Variants in ZNF618 observed in about 807,000 individuals in gnomAD.
The protein encoded by ZNF618 is zinc finger protein 618, also known as neural precursor cell expressed, developmentally down-regulated 10.
In ZNF618, 34 loss-of-function variants were observed where a neutral mutation model predicts 103.0. The observed-to-expected ratio is 0.33, with a 90% CI of 0.25 to 0.44. The LOEUF is 0.44. Ranked by LOEUF, ZNF618 falls within the 20% of genes least tolerant of loss-of-function variation. The probability of loss-of-function intolerance (pLI) is 1.00; values close to 1 mark genes in which losing one functional copy is unlikely to be tolerated. For missense variants in ZNF618, 1,059 were observed against 1,295.4 expected (o/e 0.82, Z 2.80); for synonymous variants, 551 against 542.2 (o/e 1.02, Z -0.23).
intron 13 of ZNF618, among the ~76,000 whole-genome samples, chr9:114,041,960 A>G (rs543456189): frequency 2.0e-5 from 3 of 152,310 alleles, no homozygotes; most frequent in Admixed American, 1.3e-4. Flanking sequence ...CCTATCCATG[A>G]GCATGGAATG....
intron 4 of ZNF618, among the ~76,000 whole-genome samples, chr9:114,001,120 G>T (rs1841155907): frequency 6.6e-6 from 1 of 152,202 alleles, no homozygotes; most frequent in Non-Finnish European, 1.5e-5. Context: ...TGGGGTCCCT[G>T]CCAGGCTGGA....
Position 114,050,442 on chromosome 9 carries a change from GCACACACACACACA to G in ZNF618, c.*295_*308del, listed in dbSNP as rs113819665. The G allele has an allele frequency of 1.2e-4, 25 of 210,438 alleles. No homozygotes were observed. The highest frequency in any genetic ancestry group is 4.9e-4 in the African/African-American group (20 of 40,892). The allele number at this position is 210,438 out of a possible 1,614,324, so 13.0% of individuals were successfully genotyped here. On this transcript the variant is annotated 3_prime_UTR_variant, in exon 15 of 15. Transcript: ENST00000374126. ...ATGGCCAGAGAAACTTTGCACACACGCACACACACACACACACACACACACACACACACGACCCT... is the reference window on the plus strand; with the variant it reads ...ATGGCCAGAGAAACTTTGCACACACGCACACACACACACACACACGACCCT...
chr9:114,035,348 C>T, intron 12 of ZNF618: 1 of 742,972 alleles, frequency 1.3e-6, no homozygotes, highest in African/African-American at 1.9e-5. Flanking sequence ...CCTTGGGCTG[C>T]CCTCCCGGGC....
intron 1 of ZNF618, among the ~76,000 whole-genome samples, chr9:113,940,062 G>A (rs1006625450): frequency 3.3e-5 from 5 of 151,346 alleles, no homozygotes; most frequent in African/African-American, 1.2e-4. Flanking sequence ...ATATCCCATG[G>A]GTTTTGCTAT....
chr9:113,960,629 C>T (rs770912753), intron 1 of ZNF618, among the ~76,000 whole-genome samples: 22 of 152,170 alleles, frequency 1.4e-4, no homozygotes, highest in Admixed American at 6.5e-5. Flanking sequence ...AACTGAGAGG[C>T]GTAAAGAAAG....
At chr9:113,876,457 G>GGGGGCC (rs1335804126) in intron 1 of ZNF618, 44 bp downstream of exon 1, 1 of 1,186,038 alleles carries the variant, frequency 8.4e-7, no homozygotes, top group South Asian at 4.2e-5. Context: ...GGGGACCCCG[G>GGGGGCC]GGGGCCGGGG....
At chr9:113,908,583 CG>C (rs1176144511) in intron 1 of ZNF618, among the ~76,000 whole-genome samples, 4 of 152,022 alleles carry the variant, frequency 2.6e-5, no homozygotes, top group Non-Finnish European at 5.9e-5. Context: ...AAAAGTTTCT[CG>C]GGCCCTGGGT....
At chr9:113,950,633 C>G (rs1316641036) in intron 1 of ZNF618, among the ~76,000 whole-genome samples, 2 of 152,184 alleles carry the variant, frequency 1.3e-5, no homozygotes, top group African/African-American at 2.4e-5. Context: ...GGCCTGCACT[C>G]TGTGAATAAG....
chr9:113,998,470 T>G, intron 4 of ZNF618, 116 bp downstream of exon 4: 1 of 896,686 alleles, frequency 1.1e-6, no homozygotes, highest in Non-Finnish European at 1.7e-6. Flanking sequence ...CATCTCAGGG[T>G]CAAGAGGGGC....
chr9:113,958,076 A>T (rs891632013), intron 1 of ZNF618, among the ~76,000 whole-genome samples: 1 of 151,206 alleles, frequency 6.6e-6, no homozygotes, highest in Non-Finnish European at 1.5e-5. Context: ...ACTGAGATTC[A>T]TTTCTTTTTA....
At chr9:113,917,488 A>G (rs966899379) in intron 1 of ZNF618, among the ~76,000 whole-genome samples, 8 of 151,464 alleles carry the variant, frequency 5.3e-5, no homozygotes, top group Non-Finnish European at 7.4e-5. Context: ...TCCTAGGCTC[A>G]AGCAATCCAC....
intron 2 of ZNF618, among the ~76,000 whole-genome samples, chr9:113,985,262 G>C (rs1839357628): frequency 6.6e-6 from 1 of 152,216 alleles, no homozygotes; most frequent in Non-Finnish European, 1.5e-5. Flanking sequence ...CAACTTCCAA[G>C]TCTGGTGCTT....
At chr9:113,942,086 C>T (rs1309953382) in intron 1 of ZNF618, among the ~76,000 whole-genome samples, 5 of 152,256 alleles carry the variant, frequency 3.3e-5, no homozygotes, top group South Asian at 2.1e-4. Flanking sequence ...GTGGTCAATA[C>T]GGGAACTGTT....
At chr9:114,033,388 A>AG (rs1336788367) in intron 12 of ZNF618, among the ~76,000 whole-genome samples, 11 of 120,672 alleles carry the variant, frequency 9.1e-5, no homozygotes, top group Admixed American at 7.0e-4. Context: ...TCTGTCTCAA[A>AG]AAGAGAGAGA....
chr9:113,898,616 G>A (rs186241528), intron 1 of ZNF618, among the ~76,000 whole-genome samples: 33 of 151,822 alleles, frequency 2.2e-4, no homozygotes, highest in African/African-American at 7.3e-4. Flanking sequence ...TTGTAGAGGC[G>A]GGGTCTTGCT....
rs1564319872 is a variant in ZNF618, at chr9:114,028,913, C to G, written c.1025C>G (p.Thr342Ser). The G allele has an allele frequency of 2.4e-5, 37 of 1,550,686 alleles. No individual in the cohort carries two copies. The highest frequency in any genetic ancestry group is 3.1e-5 in the Non-Finnish European group (36 of 1,146,908). ...ATLLHRTPPATQTQTFRTPNS... is the reference protein window; with the variant it reads ...ATLLHRTPPASQTQTFRTPNS... ...CTCTTACACCGCACCCCTCCAGCCACCCAAACCCAGACGTTCCGCACTCCA... is the reference window on the plus strand; with the variant it reads ...CTCTTACACCGCACCCCTCCAGCCAGCCAAACCCAGACGTTCCGCACTCCA... The change falls in exon 11 of 15, where the codon ACC becomes AGC. Residue 342 changes from threonine (T) to serine (S), a missense_variant. Physicochemically the swap from Thr to Ser is moderately conservative, Grantham distance 58. Transcript: ENST00000374126.
At chr9:113,986,929 G>A (rs951034622) in intron 2 of ZNF618, among the ~76,000 whole-genome samples, 1 of 152,174 alleles carries the variant, frequency 6.6e-6, no homozygotes, top group African/African-American at 2.4e-5. Context: ...GAAAAGTCTT[G>A]CCCAAGGCCA....
At chr9:113,965,406 G>A (rs1234264044) in intron 1 of ZNF618, among the ~76,000 whole-genome samples, 8 of 152,094 alleles carry the variant, frequency 5.3e-5, no homozygotes. Flanking sequence ...AGGGTCGAAT[G>A]AAACCAAAAA....
chr9:114,002,616 C>G lies in ZNF618; in HGVS notation c.512-8C>G. Reference sequence around the variant, plus strand: ...CCCACCCCCATCCCTCTCTCTCTCTCTTTGCAGACACCGAAGCCACCTCAG... The same window carrying G: ...CCCACCCCCATCCCTCTCTCTCTCTGTTTGCAGACACCGAAGCCACCTCAG... On this transcript the variant is annotated splice_polypyrimidine_tract_variant and splice_region_variant and intron_variant, in intron 5 of 14. Coordinates refer to ENST00000374126, the MANE Select transcript of ZNF618 (RefSeq NM_001318042.2). 1.2e-6 allele frequency: 2 copies of G among 1,610,084 alleles called. No homozygotes were observed. The highest frequency in any genetic ancestry group is 1.7e-6 in the Non-Finnish European group (2 of 1,179,536).
Sources: allele counts gnomAD v4.1 joint callset (sites outside exome capture counted in the v4.1 genomes callset), GRCh38; gene constraint gnomAD v4.1.1; transcripts MANE v1.5; gene names NCBI Gene and HGNC (gene_info 2026-07-23, HGNC 2026-07-21).